GJB7: variants seen among roughly 807,000 people sequenced by gnomAD.
The protein encoded by GJB7 is gap junction beta-7 protein.
For missense variants in GJB7, 253 were observed against 256.8 expected (o/e 0.99, Z 0.10); for synonymous variants, 87 against 95.2 (o/e 0.91, Z 0.50).
At chr6:87,293,579 A>C (rs1776210353) in intron 2 of GJB7, among the ~76,000 whole-genome samples, 1 of 152,032 alleles carries the variant, frequency 6.6e-6, no homozygotes, top group Non-Finnish European at 1.5e-5. Flanking sequence ...TGTCCCTTTC[A>C]GTTTCCACTC....
At chr6:87,320,555 G>A (rs1361017944) in intron 2 of GJB7, among the ~76,000 whole-genome samples, 4 of 152,152 alleles carry the variant, frequency 2.6e-5, no homozygotes, top group Admixed American at 2.0e-4. Flanking sequence ...CACAGCCTCA[G>A]GCAGTCCTGA....
In GJB7 at chr6:87,328,312, G is replaced by T. The variant is rs1017785652; in HGVS notation, c.-206+826C>A. Among the ~76,000 whole-genome samples, 6 of 152,288 alleles carry T rather than the reference G, an allele frequency of 3.9e-5. No homozygotes were observed. The East Asian group carries it at 1.2e-3, about 29-fold the overall frequency. ...GCTCGTGAGGAACTGCGTTCCTTTG[G>T]AGGAGGAGAGGCACTCTGCTTTTTA... On this transcript the variant is annotated intron_variant, in intron 1 of 2. Coordinates refer to ENST00000525899, the MANE Select transcript of GJB7 (RefSeq NM_198568.3).
chr6:87,315,708 A>G (rs1465023110), intron 2 of GJB7, among the ~76,000 whole-genome samples: 1 of 151,454 alleles, frequency 6.6e-6, no homozygotes, highest in Non-Finnish European at 1.5e-5. Flanking sequence ...AGGCATGAGA[A>G]TCACTTGAAC....
intron 2 of GJB7, among the ~76,000 whole-genome samples, chr6:87,302,646 G>A (rs1004154503): frequency 3.3e-5 from 5 of 152,142 alleles, no homozygotes; most frequent in African/African-American, 1.2e-4. Flanking sequence ...TAGCAAGGCA[G>A]GCCAACATTC....
chr6:87,329,220 G>GCTCACTCTGGGAGCTGTAGACCGAGC lies in GJB7; in HGVS notation c.-289_-288insGCTCGGTCTACAGCTCCCAGAGTGAG, dbSNP rs1776931172. On this transcript the variant is annotated 5_prime_UTR_variant, in exon 1 of 3. Transcript: ENST00000525899. ...GCAGAAATCACCCATCTTCTGCGTT[G>GCTCACTCTGGGAGCTGTAGACCGAGC]CTCACTCTGGGAGCTGTAGACCGGA... is the stretch of plus-strand genomic sequence containing the variant. The GCTCACTCTGGGAGCTGTAGACCGAGC allele has an allele frequency of 6.5e-6, 1 of 154,420 alleles. No homozygotes were observed. The highest frequency in any genetic ancestry group is 1.4e-5 in the Non-Finnish European group (1 of 69,880). 9.6% of individuals were successfully genotyped at this position (154,420 alleles called of 1,614,324 possible).
At chr6:87,321,247 T>A (rs1776654085) in intron 2 of GJB7, among the ~76,000 whole-genome samples, 3 of 147,106 alleles carry the variant, frequency 2.0e-5, no homozygotes, top group South Asian at 4.3e-4. Context: ...AAAAAAAAGA[T>A]CTAGTAAGGG....
intron 2 of GJB7, among the ~76,000 whole-genome samples, chr6:87,301,211 T>C (rs963332241): frequency 1.3e-5 from 2 of 151,994 alleles, no homozygotes; most frequent in African/African-American, 2.4e-5. Context: ...CCACCAAGTG[T>C]GAGCCAAAGC....
intron 2 of GJB7, among the ~76,000 whole-genome samples, chr6:87,300,905 A>T (rs2127902720): frequency 1.3e-5 from 2 of 152,378 alleles, no homozygotes; most frequent in South Asian, 4.1e-4. Flanking sequence ...AAGCTAAAAA[A>T]ATAAACAGAC....
intron 2 of GJB7, among the ~76,000 whole-genome samples, chr6:87,302,957 C>A (rs533782122): frequency 1.2e-4 from 19 of 152,228 alleles, no homozygotes; most frequent in African/African-American, 2.6e-4. Flanking sequence ...GAAATAAAAT[C>A]CTTTACAGAC....
At chr6:87,319,412 G>C (rs115616376) in intron 2 of GJB7, among the ~76,000 whole-genome samples, 2,275 of 152,146 alleles carry the variant, frequency 0.015, 41 homozygotes, top group African/African-American at 0.052. Context: ...TCTTTCATCT[G>C]ATCACTTTCT....
intron 1 of GJB7, among the ~76,000 whole-genome samples, chr6:87,325,726 T>C (rs1432494553): frequency 2.6e-5 from 4 of 152,124 alleles, no homozygotes; most frequent in Non-Finnish European, 5.9e-5. Context: ...TCTAAAATTC[T>C]CTTTTTTGGT....
rs946784627 is a variant in GJB7 at position 87,284,749 on chromosome 6, C to T, written c.164G>A (p.Ser55Asn). The T allele has an allele frequency of 1.3e-5, 21 of 1,614,048 alleles. No individual in the cohort carries two copies. Among genetic ancestry groups the T allele is most frequent in the Non-Finnish European group, 5.9e-6 (7 of 1,180,036 alleles). ...CACATTTTTGCAACCGGGCTGTCTA[C>T]TGTTGCACTCAAACTCTTTCTGCTC... ...KDEQKEFECN[S>N]RQPGCKNVCF... The change falls in exon 3 of 3, where the codon AGT (serine) becomes AAT (asparagine). Residue 55 changes from serine (S) to asparagine (N), a missense_variant. Transcript: ENST00000525899.
chr6:87,326,425 C>G (rs1047866818), intron 1 of GJB7, among the ~76,000 whole-genome samples: 1 of 152,226 alleles, frequency 6.6e-6, no homozygotes, highest in Admixed American at 6.5e-5. Context: ...TTTCCCTCTA[C>G]ATGCTGCTTT....
chr6:87,314,914 G>T (rs748473247), intron 2 of GJB7, among the ~76,000 whole-genome samples: 9 of 152,152 alleles, frequency 5.9e-5, no homozygotes, highest in Non-Finnish European at 1.3e-4. Context: ...AAACAATAAA[G>T]AAATAAATCA....
chr6:87,293,986 A>G (rs1776215437), intron 2 of GJB7, among the ~76,000 whole-genome samples: 1 of 152,210 alleles, frequency 6.6e-6, no homozygotes, highest in East Asian at 1.9e-4. Flanking sequence ...ACATGGGCAT[A>G]TTATGGACAC....
intron 2 of GJB7, among the ~76,000 whole-genome samples, chr6:87,316,749 A>T (rs1164565467): frequency 1.3e-5 from 2 of 152,258 alleles, no homozygotes; most frequent in Non-Finnish European, 2.9e-5. Flanking sequence ...CTAAACGTGG[A>T]TGCATCTGAG....
chr6:87,324,582 A>G (rs899616331), intron 1 of GJB7, among the ~76,000 whole-genome samples: 4 of 150,800 alleles, frequency 2.7e-5, no homozygotes, highest in Admixed American at 1.3e-4. Context: ...ATAGTTGTAG[A>G]TATGTGGCGT....
At chr6:87,326,341 T>C (rs1776820756) in intron 1 of GJB7, among the ~76,000 whole-genome samples, 1 of 152,214 alleles carries the variant, frequency 6.6e-6, no homozygotes, top group Non-Finnish European at 1.5e-5. Flanking sequence ...CTTTTCTAGT[T>C]CTCTTAATTG....
At chr6:87,324,208 C>T (rs1776758349) in intron 1 of GJB7, among the ~76,000 whole-genome samples, 1 of 152,134 alleles carries the variant, frequency 6.6e-6, no homozygotes, top group South Asian at 2.1e-4. Flanking sequence ...TGAAAATTTT[C>T]TCCCATTTTG....
Sources: allele counts gnomAD v4.1 joint callset (sites outside exome capture counted in the v4.1 genomes callset), GRCh38; gene constraint gnomAD v4.1.1; transcripts MANE v1.5; gene names NCBI Gene and HGNC (gene_info 2026-07-23, HGNC 2026-07-21).